The following DYTN variants were observed in gnomAD, a reference collection of about 807,000 sequenced individuals.
DYTN encodes the protein dystrotelin.
In DYTN, 75 loss-of-function variants were observed where a neutral mutation model predicts 69.6. The ratio of observed to expected loss-of-function variants is 1.08; its 90% CI spans 0.89 to 1.31. DYTN has a LOEUF of 1.31. Ranked by LOEUF, DYTN falls within the 50% of genes most tolerant of loss-of-function variation. The pLI is 0.00. For synonymous variants in DYTN, 252 were observed against 249.1 expected, an observed-to-expected ratio of 1.01 and a Z score of -0.11; for missense variants, 726 against 688.4, an observed-to-expected ratio of 1.05 and a Z score of -0.61.
At chr2:206,698,839 C>T (rs765864344) in intron 7 of DYTN, among the ~76,000 whole-genome samples, 4 of 152,208 alleles carry the variant, frequency 2.6e-5, no homozygotes, top group Non-Finnish European at 5.9e-5. Flanking sequence ...TGCTGATGAT[C>T]TCTGTGAGTC....
chr2:206,718,169 C>G, intron 1 of DYTN, 92 bp downstream of exon 1: 1 of 1,361,632 alleles, frequency 7.3e-7, no homozygotes, highest in Non-Finnish European at 9.8e-7. Context: ...CAAATGTTTA[C>G]TCTTCTTCAA....
At chr2:206,668,531 C>T (rs1699598204) in intron 9 of DYTN, among the ~76,000 whole-genome samples, 1 of 152,174 alleles carries the variant, frequency 6.6e-6, no homozygotes. Flanking sequence ...TTTCAAACGA[C>T]ATAAAATCTG....
At chr2:206,653,917 T>C (rs1393333822) in intron 11 of DYTN, among the ~76,000 whole-genome samples, 2 of 152,228 alleles carry the variant, frequency 1.3e-5, no homozygotes, top group African/African-American at 4.8e-5. Flanking sequence ...AGTAGGCTTT[T>C]ACCTGGTCTC....
intron 7 of DYTN, among the ~76,000 whole-genome samples, chr2:206,695,322 C>T (rs934292957): frequency 6.6e-6 from 1 of 152,084 alleles, no homozygotes; most frequent in Non-Finnish European, 1.5e-5. Flanking sequence ...TAAACTTTTG[C>T]AGGGTATGAT....
At chr2:206,669,724 G>A (rs1297725057) in intron 9 of DYTN, among the ~76,000 whole-genome samples, 1 of 151,942 alleles carries the variant, frequency 6.6e-6, no homozygotes, top group East Asian at 1.9e-4. Context: ...CTTTAAAAAT[G>A]TTTTCTAATT....
chr2:206,661,665 G>A (rs905059948), intron 11 of DYTN, among the ~76,000 whole-genome samples: 2 of 151,682 alleles, frequency 1.3e-5, no homozygotes, highest in Non-Finnish European at 2.9e-5. Flanking sequence ...TTCTTTTTTC[G>A]AGCTTTATTA....
intron 11 of DYTN, among the ~76,000 whole-genome samples, chr2:206,653,328 A>G (rs1699408864): frequency 6.6e-6 from 1 of 152,206 alleles, no homozygotes; most frequent in African/African-American, 2.4e-5. Context: ...AATATTAAAA[A>G]TAGCCAAAAA....
In DYTN at chr2:206,663,014, C is replaced by G; in HGVS notation, c.1522G>C (p.Glu508Gln). Residue 508 changes from glutamate to glutamine, a missense_variant, in exon 11 of 12, where the codon GAA (glutamate) becomes CAA (glutamine). Transcript: ENST00000452335. ...TTGATGTTACCTGCCTCTTTCTTTT[C>G]CACGGCTGCCAGAGCAGGACTGCTC... ...EMSSPALAAV[E>Q]KKEAGNIKER... is the part of the protein sequence containing the mutation. 3.7e-6 allele frequency: 6 copies of G among 1,613,842 alleles called. No individual in the cohort carries two copies. The highest frequency in any genetic ancestry group is 5.1e-6 in the Non-Finnish European group (6 of 1,179,876).
At chr2:206,672,628 C>T (rs1302191578) in intron 9 of DYTN, among the ~76,000 whole-genome samples, 6 of 152,208 alleles carry the variant, frequency 3.9e-5, no homozygotes, top group African/African-American at 1.2e-4. Flanking sequence ...TGGATGGTCA[C>T]AAGACTTACT....
chr2:206,676,641 A>G (rs1574592421), intron 9 of DYTN, among the ~76,000 whole-genome samples: 3 of 152,318 alleles, frequency 2.0e-5, no homozygotes, highest in South Asian at 4.1e-4. Context: ...GAAAAGGGGG[A>G]AAATGGTTAA....
chr2:206,657,690 T>G (rs997091349), intron 11 of DYTN, among the ~76,000 whole-genome samples: 1 of 152,206 alleles, frequency 6.6e-6, no homozygotes, highest in African/African-American at 2.4e-5. Context: ...GAATATATTA[T>G]CCCATTTCTG....
intron 8 of DYTN, 29 bp from the exon 9 acceptor site, chr2:206,693,352 G>A: frequency 6.2e-7 from 1 of 1,605,094 alleles, no homozygotes; most frequent in Middle Eastern, 1.7e-4. Context: ...TTTTTAAAAA[G>A]CGTCAGATCA....
chr2:206,683,350 T>TTTC (rs1468809735), intron 9 of DYTN, among the ~76,000 whole-genome samples: 2 of 144,544 alleles, frequency 1.4e-5, no homozygotes, highest in Non-Finnish European at 3.0e-5. Flanking sequence ...TTTTTTTTTT[T>TTTC]TTTTTTTTTT....
intron 9 of DYTN, among the ~76,000 whole-genome samples, chr2:206,666,859 CTA>C (rs1491330067): frequency 8.8e-6 from 1 of 113,602 alleles, no homozygotes; most frequent in Non-Finnish European, 1.8e-5. Context: ...GACCTCATCT[CTA>C]CACACACACA....
intron 1 of DYTN, among the ~76,000 whole-genome samples, chr2:206,712,915 T>C (rs747989467): frequency 2.0e-5 from 3 of 151,942 alleles, no homozygotes; most frequent in African/African-American, 7.3e-5. Context: ...GGAAGCAGAA[T>C]TTTTTTTCTC....
At chr2:206,694,476 C>CT (rs1021347838) in intron 8 of DYTN, among the ~76,000 whole-genome samples, 13 of 152,238 alleles carry the variant, frequency 8.5e-5, no homozygotes, top group African/African-American at 2.9e-4. Context: ...AGTGCTGCTC[C>CT]CTGTAACTCT....
chr2:206,655,933 T>C (rs1699443063), intron 11 of DYTN, among the ~76,000 whole-genome samples: 1 of 152,332 alleles, frequency 6.6e-6, no homozygotes, highest in East Asian at 1.9e-4. Flanking sequence ...ATGTTCCATG[T>C]TTGCTGGAGA....
intron 1 of DYTN, among the ~76,000 whole-genome samples, chr2:206,711,654 A>G (rs1038156336): frequency 6.6e-5 from 10 of 151,924 alleles, no homozygotes; most frequent in Non-Finnish European, 1.5e-4. Flanking sequence ...TTACATATGT[A>G]TACATGTGCC....
chr2:206,671,430 G>T lies in DYTN; in HGVS notation c.981-5401C>A, dbSNP rs1284609533. Among the ~76,000 whole-genome samples the T allele has an allele frequency of 2.6e-5, 4 of 152,182 alleles. No individual in the cohort carries two copies. In the East Asian group the frequency reaches 7.7e-4, roughly 29 times the overall value. On this transcript the variant is annotated intron_variant, in intron 9 of 11. Coordinates refer to ENST00000452335, the MANE Select transcript of DYTN (RefSeq NM_001093730.1). ...GCCCCTTTGAGTGAAATGTGCCACT[G>T]CCTCTTCATTCAAATACTTAAACAG...
Sources: gnomAD v4.1 joint callset for allele counts (sites outside exome capture counted in the v4.1 genomes callset) on GRCh38, gnomAD v4.1.1 for gene constraint, MANE v1.5 for transcripts, NCBI Gene and HGNC (gene_info 2026-07-23, HGNC 2026-07-21) for gene names.